The following HESX1 variants were observed in gnomAD, a reference collection of about 807,000 sequenced individuals.
The protein encoded by HESX1 is homeobox expressed in ES cells 1.
A neutral mutation model predicts 22.5 loss-of-function variants in HESX1; 11 were observed. That is an observed-to-expected ratio of 0.49 (90% CI 0.31 to 0.81). The LOEUF is 0.81. HESX1 is among the 30% of genes least tolerant of loss of function. HESX1 has a pLI of 0.05. For missense variants in HESX1, 201 were observed against 212.6 expected (o/e 0.95, Z 0.34); for synonymous variants, 74 against 76.5 (o/e 0.97, Z 0.17).
Position 57,213,313 on chromosome 3 carries a change from G to A in HESX1, c.-111+12983C>T, listed in dbSNP as rs559243087. Among the ~76,000 whole-genome samples the A allele has an allele frequency of 3.9e-5, 6 of 152,234 alleles. No homozygotes were observed. The East Asian group carries it at 1.2e-3, about 29-fold the overall frequency. On this transcript the variant is annotated intron_variant, in intron 1 of 2. Coordinates refer to the HESX1 transcript ENST00000495160. ...TTGAAAAGCATATTATTTTTTAGTG[G>A]ATGCTGCCATATTTCCTTCTAAGAA...
chr3:57,207,532 A>G (rs910830447), intron 1 of HESX1, among the ~76,000 whole-genome samples: 1 of 152,196 alleles, frequency 6.6e-6, no homozygotes, highest in African/African-American at 2.4e-5. Flanking sequence ...GACTTTCCAT[A>G]TCAGTACTGG....
intron 1 of HESX1, among the ~76,000 whole-genome samples, chr3:57,225,872 TTTTCTTTTC>T (rs1480481376): frequency 2.8e-5 from 4 of 140,796 alleles, no homozygotes; most frequent in African/African-American, 7.6e-5. Flanking sequence ...AATACTTTTC[TTTTCTTTTC>T]TTTTTTTTTT....
intron 1 of HESX1, among the ~76,000 whole-genome samples, chr3:57,205,943 C>T (rs2060517513): frequency 6.6e-6 from 1 of 152,166 alleles, no homozygotes; most frequent in Non-Finnish European, 1.5e-5. Flanking sequence ...GTAATCCCAG[C>T]ACTTTGGGAG....
At chr3:57,227,580 C>A (rs1559504261), upstream of HESX1, among the ~76,000 whole-genome samples, 3 of 152,240 alleles carry the variant, frequency 2.0e-5, no homozygotes, top group Non-Finnish European at 4.4e-5. Context: ...GACACTGCCA[C>A]CTCCGCCGCT....
chr3:57,211,971 A>G (rs1235208004), intron 1 of HESX1, among the ~76,000 whole-genome samples: 2 of 152,140 alleles, frequency 1.3e-5, no homozygotes, highest in Non-Finnish European at 2.9e-5. Flanking sequence ...CAGTGATTAC[A>G]AGGTTCAGGA....
At chr3:57,198,552 G>A in intron 2 of HESX1, 60 bp from the exon 3 acceptor site, 1 of 1,122,534 alleles carries the variant, frequency 8.9e-7, no homozygotes, top group Non-Finnish European at 1.3e-6. Context: ...AATTTCTAGA[G>A]TAAAATGACT....
chr3:57,219,091 C>T (rs542993832), intron 1 of HESX1, among the ~76,000 whole-genome samples: 1 of 152,280 alleles, frequency 6.6e-6, no homozygotes, highest in South Asian at 2.1e-4. Flanking sequence ...TATCTTTTTA[C>T]TTTTTAATAG....
At chr3:57,208,885 G>A (rs184997729) in intron 1 of HESX1, among the ~76,000 whole-genome samples, 2 of 151,844 alleles carry the variant, frequency 1.3e-5, no homozygotes, top group East Asian at 3.9e-4. Flanking sequence ...AGCTTGAACT[G>A]GGGAGGCGAA....
chr3:57,208,491 C>T (rs866906198), intron 1 of HESX1, among the ~76,000 whole-genome samples: 151 of 151,872 alleles, frequency 9.9e-4, no homozygotes, highest in African/African-American at 3.3e-3. Context: ...GGATTACAGG[C>T]GTGTGCTACC....
intron 1 of HESX1, among the ~76,000 whole-genome samples, chr3:57,211,413 C>T (rs1460158601): frequency 6.6e-6 from 1 of 150,674 alleles, no homozygotes; most frequent in Non-Finnish European, 1.5e-5. Context: ...GCCTGTGATC[C>T]CAGCTACTCA....
At chr3:57,219,906 T>A (rs192290559) in intron 1 of HESX1, among the ~76,000 whole-genome samples, 1 of 152,374 alleles carries the variant, frequency 6.6e-6, no homozygotes, top group Admixed American at 6.5e-5. Context: ...CATCATGAAA[T>A]CTTTGCCTAA....
chr3:57,208,893 G>C (rs573631833), intron 1 of HESX1, among the ~76,000 whole-genome samples: 1 of 151,412 alleles, frequency 6.6e-6, no homozygotes. Context: ...CTGGGGAGGC[G>C]AAGTTGCAGT....
chr3:57,212,607 G>GA (rs1364226376), intron 1 of HESX1, among the ~76,000 whole-genome samples: 3 of 145,382 alleles, frequency 2.1e-5, no homozygotes, highest in East Asian at 2.0e-4. Flanking sequence ...GTAGCAAAGA[G>GA]AAAAAACGTA....
intron 1 of HESX1, among the ~76,000 whole-genome samples, chr3:57,208,259 T>G (rs1389648794): frequency 6.6e-5 from 10 of 152,180 alleles, no homozygotes; most frequent in African/African-American, 2.4e-4. Context: ...TATGCAAAAT[T>G]TTATCTATAA....
Position 57,198,794 on chromosome 3 carries a change from A to C in HESX1, c.316T>G (p.Tyr106Asp), listed in dbSNP as rs200647627. The C allele has an allele frequency of 1.2e-6, 2 of 1,614,020 alleles. No individual in the cohort carries two copies. Among genetic ancestry groups the C allele is most frequent in the Non-Finnish European group, 1.7e-6 (2 of 1,180,018 alleles). Residue 106 changes from tyrosine (Y) to aspartate (D), a missense_variant, in exon 2 of 4, where the codon TAT becomes GAT. Coordinates refer to ENST00000295934, the MANE Select transcript of HESX1 (RefSeq NM_003865.3). The part of the protein sequence containing the change: ...RLSLKRELSW[Y>D]RGRRPRTAFT... Reference sequence around the variant, plus strand: ...GCAGTTCTTGGTCTTCGGCCTCTATACCAACTCAACTCTCTTTTCAAAGAC... The same window carrying C: ...GCAGTTCTTGGTCTTCGGCCTCTATCCCAACTCAACTCTCTTTTCAAAGAC...
At chr3:57,222,361 C>G (rs2060620217) in intron 1 of HESX1, among the ~76,000 whole-genome samples, 1 of 152,148 alleles carries the variant, frequency 6.6e-6, no homozygotes, top group South Asian at 2.1e-4. Flanking sequence ...TGGGCTTAAG[C>G]AATCCTCCCA....
chr3:57,224,972 GC>G (rs1043509956), intron 1 of HESX1, among the ~76,000 whole-genome samples: 4 of 152,100 alleles, frequency 2.6e-5, no homozygotes, highest in African/African-American at 9.7e-5. Context: ...TTAACCAGTT[GC>G]CCAAAGTTTT....
chr3:57,213,869 C>T (rs2060570154), intron 1 of HESX1, among the ~76,000 whole-genome samples: 2 of 152,016 alleles, frequency 1.3e-5, no homozygotes, highest in South Asian at 2.1e-4. Context: ...TGCAGTGAGC[C>T]GAGATCGTGC....
chr3:57,201,919 C>G (rs866451376), upstream of HESX1, among the ~76,000 whole-genome samples: 2 of 149,494 alleles, frequency 1.3e-5, no homozygotes, highest in South Asian at 4.2e-4. Context: ...ATCTATCTAT[C>G]TATCTATCTA....
Sources: allele counts gnomAD v4.1 joint callset (sites outside exome capture counted in the v4.1 genomes callset), GRCh38; gene constraint gnomAD v4.1.1; transcripts MANE v1.5; gene names NCBI Gene and HGNC (gene_info 2026-07-23, HGNC 2026-07-21).